The following SETX variants were observed in gnomAD, a reference collection of about 807,000 sequenced individuals.
SETX encodes senataxin.
A neutral mutation model predicts 227.2 loss-of-function variants in SETX; 90 were observed. That is an observed-to-expected ratio of 0.40 (90% CI 0.33 to 0.47). The LOEUF is 0.47. Ranked by LOEUF, SETX falls within the 20% of genes least tolerant of loss-of-function variation. The probability of loss-of-function intolerance (pLI) is 0.91; values close to 1 mark genes in which losing one functional copy is unlikely to be tolerated. For synonymous variants in SETX, 1,210 were observed against 1,113.2 expected (o/e 1.09, Z -1.73); for missense variants, 3,052 against 3,181.5 (o/e 0.96, Z 0.98).
intron 20 of SETX, among the ~76,000 whole-genome samples, chr9:132,278,924 A>C (rs960708704): frequency 5.9e-5 from 9 of 152,228 alleles, no homozygotes; most frequent in Non-Finnish European, 1.3e-4. Flanking sequence ...AGAGTGAATA[A>C]GATGAAGTCT....
At chr9:132,346,571 C>A (rs544722188) in intron 3 of SETX, 100 bp from the exon 4 acceptor site, 3 of 838,040 alleles carry the variant, frequency 3.6e-6, no homozygotes, top group Non-Finnish European at 5.8e-6. Context: ...TACAAAAATT[C>A]TGAAATGTAA....
intron 11 of SETX, among the ~76,000 whole-genome samples, chr9:132,307,627 C>A (rs1040410357): frequency 3.9e-4 from 59 of 151,948 alleles, no homozygotes; most frequent in Non-Finnish European, 7.9e-4. Context: ...CCAATCCATG[C>A]ACTCATAGTT....
chr9:132,316,906 T>C (rs547615011), intron 10 of SETX, among the ~76,000 whole-genome samples: 15 of 152,336 alleles, frequency 9.8e-5, no homozygotes, highest in African/African-American at 3.4e-4. Flanking sequence ...TCAAAGTGAC[T>C]TTATTATAAT....
intron 6 of SETX, 34 bp from the exon 7 acceptor site, chr9:132,334,761 G>A: frequency 6.2e-7 from 1 of 1,609,708 alleles, no homozygotes; most frequent in Non-Finnish European, 8.5e-7. Flanking sequence ...TTGAATTGAT[G>A]AAATAATACT....
At chr9:132,294,392 C>T (rs1042898911) in intron 15 of SETX, among the ~76,000 whole-genome samples, 1 of 152,176 alleles carries the variant, frequency 6.6e-6, no homozygotes. Flanking sequence ...ATAAATGTTG[C>T]ACACCTTCAA....
At position 132,288,249 on chromosome 9, in the gene SETX, C is replaced by G. The variant is rs1187178797; in HGVS notation, c.6311G>C (p.Gly2104Ala). The change falls in exon 17 of 26, where the codon GGA becomes GCA. Residue 2104 changes from glycine (G) to alanine (A), a missense_variant. Physicochemically the swap from Gly to Ala is moderately conservative, Grantham distance 60. Transcript: ENST00000224140. Reference sequence around the variant, plus strand: ...ATGCAAAGATACCTGTATTTCCCGTCCACCTCGGCATAGAGCTCGCTGCCG... The same window carrying G: ...ATGCAAAGATACCTGTATTTCCCGTGCACCTCGGCATAGAGCTCGCTGCCG... Reference protein sequence around the residue: ...LSRQRALCRGGREIQRQELDE... With the variant: ...LSRQRALCRGAREIQRQELDE... 6.2e-7 allele frequency: 1 copy of G among 1,613,884 alleles called. No homozygotes were observed. Among genetic ancestry groups the G allele is most frequent in the Non-Finnish European group, 8.5e-7 (1 of 1,179,884 alleles).
In SETX at chr9:132,349,331, G is replaced by A; in HGVS notation, c.98C>T (p.Ala33Val). ...SNTPSGEFQT[A>V]DEDLCYCLEC... ...CAAGCAGTAGCAGAGGTCTTCGTCG[G>A]CTGTTTGAAATTCACCGGACGGAGT... The change falls in exon 3 of 26, where the codon GCC becomes GTC. Residue 33 changes from alanine to valine, a missense_variant. Physicochemically the swap from Ala to Val is moderately conservative, Grantham distance 64. Coordinates refer to ENST00000224140, the MANE Select transcript of SETX (RefSeq NM_015046.7). The A allele has an allele frequency of 2.5e-6, 4 of 1,614,090 alleles. No individual in the cohort carries two copies. The highest frequency in any genetic ancestry group is 3.4e-6 in the Non-Finnish European group (4 of 1,180,026).
rs1378691553 is a variant in SETX, at chr9:132,346,435, G to T, written c.214C>A (p.His72Asn). Reference sequence around the variant, plus strand: ...TCTGCCTTCATGGATTTTTCAAAGTGATTTATGAGACGTAAGGTTTCTAAT... The same window carrying T: ...TCTGCCTTCATGGATTTTTCAAAGTTATTTATGAGACGTAAGGTTTCTAAT... Reference protein sequence around the residue: ...WELETLRLINHFEKSMKAEIG... With the variant: ...WELETLRLINNFEKSMKAEIG... The change falls in exon 4 of 26, where the codon CAC becomes AAC. Residue 72 changes from histidine (H) to asparagine (N), a missense_variant. His to Asn is a moderately conservative substitution (Grantham distance 68, BLOSUM62 1). This residue lies in a region of SETX where 152 missense variants were observed against 156.2 expected (regional missense o/e 0.97). Transcript: ENST00000224140. 1 of 1,613,122 alleles carries T rather than the reference G, an allele frequency of 6.2e-7. No individual in the cohort carries two copies. The highest frequency in any genetic ancestry group is 1.3e-5 in the African/African-American group (1 of 74,886).
intron 15 of SETX, among the ~76,000 whole-genome samples, chr9:132,294,907 A>G (rs1422689342): frequency 3.3e-5 from 5 of 152,194 alleles, no homozygotes; most frequent in Non-Finnish European, 7.4e-5. Context: ...TTGATTTTTA[A>G]AAAAAAGAAG....
intron 11 of SETX, among the ~76,000 whole-genome samples, chr9:132,309,505 A>C (rs957195627): frequency 6.6e-6 from 1 of 152,150 alleles, no homozygotes; most frequent in Non-Finnish European, 1.5e-5. Context: ...GGGGCCACAC[A>C]TAATGCCTGT....
intron 21 of SETX, among the ~76,000 whole-genome samples, chr9:132,277,578 A>G (rs1231781335): frequency 2.0e-5 from 3 of 152,148 alleles, no homozygotes; most frequent in Admixed American, 6.5e-5. Flanking sequence ...CAGGAGTTCG[A>G]AAGCAGCCTG....
chr9:132,317,770 T>C (rs1405569731), intron 10 of SETX, among the ~76,000 whole-genome samples: 1 of 152,190 alleles, frequency 6.6e-6, no homozygotes, highest in Admixed American at 6.5e-5. Flanking sequence ...GCCATCTTTT[T>C]CCATTCTTTC....
At position 132,327,124 on chromosome 9, in the gene SETX, C is replaced by T. The variant is rs1338413032; in HGVS notation, c.4474G>A (p.Glu1492Lys). The T allele has an allele frequency of 5.6e-6, 9 of 1,614,208 alleles. No homozygotes were observed. The highest frequency in any genetic ancestry group is 7.6e-6 in the Non-Finnish European group (9 of 1,180,042). Residue 1492 changes from glutamate (E) to lysine (K), a missense_variant, in exon 10 of 26, where the codon GAG becomes AAG. Glu to Lys is a moderately conservative substitution (Grantham distance 56). Coordinates refer to ENST00000224140, the MANE Select transcript of SETX (RefSeq NM_015046.7). ...EGEPDSSSDA[E>K]EDNLFLTQND... is the part of the protein sequence containing the mutation. ...TGGGTTAAAAATAAGTTATCTTCCT[C>T]TGCATCACTGCTGGAGTCAGGCTCT...
chr9:132,347,993 G>A (rs1449488149), intron 3 of SETX, among the ~76,000 whole-genome samples: 1 of 151,476 alleles, frequency 6.6e-6, no homozygotes, highest in Non-Finnish European at 1.5e-5. Flanking sequence ...TGGAAAATAT[G>A]CTTGCCCTTA....
At chr9:132,349,148 T>G in intron 3 of SETX, 104 bp downstream of exon 3, 2 of 1,176,502 alleles carry the variant, frequency 1.7e-6, no homozygotes, top group Non-Finnish European at 2.5e-6. Context: ...CCCACAAAGT[T>G]GAAATCGTAT....
At position 132,283,392 on chromosome 9, in the gene SETX, T is replaced by C; in HGVS notation, c.6418A>G (p.Thr2140Ala). The C allele has an allele frequency of 1.9e-6, 3 of 1,614,158 alleles. No homozygotes were observed. The highest frequency in any genetic ancestry group is 3.3e-5 in the Admixed American group (2 of 60,020). Residue 2140 changes from threonine to alanine, a missense_variant, in exon 19 of 26, where the codon ACA becomes GCA. Physicochemically the swap from Thr to Ala is moderately conservative, Grantham distance 58. Transcript: ENST00000224140. Reference protein sequence around the residue: ...IKEVQGRPQKTQSIIILESHI... With the variant: ...IKEVQGRPQKAQSIIILESHI... ...GACTCTAAGATGATGATACTCTGTG[T>C]TTTCTGTGGGCGTCCTTGAACCTAA...
chr9:132,282,237 A>T (rs1843573694), intron 19 of SETX, among the ~76,000 whole-genome samples: 1 of 150,090 alleles, frequency 6.7e-6, no homozygotes, highest in African/African-American at 2.4e-5. Context: ...AGCCTGAAAA[A>T]TTTTTCTCCT....
At chr9:132,279,692 T>G (rs1843385892) in intron 20 of SETX, among the ~76,000 whole-genome samples, 1 of 152,264 alleles carries the variant, frequency 6.6e-6, no homozygotes, top group Non-Finnish European at 1.5e-5. Context: ...CTCAAAAGTT[T>G]ATCTGCGTTA....
rs1842544917 is a variant in SETX, at chr9:132,264,592, A to C, written c.7681T>G (p.Ser2561Ala). ...GGIFLWDPQP[S>A]SPQHPGATPP... Reference sequence around the variant, plus strand: ...GTTGCTCCAGGATGCTGGGGGCTCGAGGGTTGTGGATCCCAAAGGAATATT... The same window carrying C: ...GTTGCTCCAGGATGCTGGGGGCTCGCGGGTTGTGGATCCCAAAGGAATATT... The change falls in exon 26 of 26, where the codon TCG (serine) becomes GCG (alanine). Residue 2561 changes from serine to alanine, a missense_variant. Physicochemically the swap from Ser to Ala is moderately conservative, Grantham distance 99. Around this residue, in one of 10 missense-constraint regions of SETX, gnomAD observed 294 missense variants for 278.8 expected, o/e 1.05. Coordinates refer to ENST00000224140, the MANE Select transcript of SETX (RefSeq NM_015046.7). The C allele has an allele frequency of 6.2e-7, 1 of 1,613,932 alleles. No individual in the cohort carries two copies. Among genetic ancestry groups the C allele is most frequent in the Admixed American group, 1.7e-5 (1 of 59,986 alleles).
Sources: gnomAD v4.1 joint callset for allele counts (sites outside exome capture counted in the v4.1 genomes callset) on GRCh38, gnomAD v4.1.1 for gene constraint, gnomAD v4.1.1 regional missense constraint, MANE v1.5 for transcripts, NCBI Gene and HGNC (gene_info 2026-07-23, HGNC 2026-07-21) for gene names.